Variants in CATSPERT observed in about 807,000 individuals in gnomAD.
CATSPERT encodes cation channel sperm-associated targeting subunit tau.
the CATSPERT span, chr2:201,557,307 G>A: frequency 6.6e-6 from 1 of 152,166 alleles, no homozygotes; most frequent in Admixed American, 6.5e-5. Context: ...TGGATGAGAA[G>A]GGGTGAGAAT....
At chr2:201,581,340 A>C in the CATSPERT span, among the ~76,000 whole-genome samples, 19 of 150,416 alleles carry the variant, frequency 1.3e-4, no homozygotes, top group South Asian at 2.1e-4. Context: ...AGGGAGGCAA[A>C]TGTTGCAGTG....
chr2:201,523,653 C>CT, the CATSPERT span, among the ~76,000 whole-genome samples: 105,468 of 151,964 alleles, frequency 0.69, 37,555 homozygotes, highest in East Asian at 0.96. Context: ...ACTGAAATGC[C>CT]GAAATGACAG....
the CATSPERT span, among the ~76,000 whole-genome samples, chr2:201,615,981 C>G: frequency 1.3e-5 from 2 of 152,196 alleles, no homozygotes; most frequent in East Asian, 3.8e-4. Flanking sequence ...TTCCTGGACA[C>G]ATACACCCTC....
the CATSPERT span, among the ~76,000 whole-genome samples, chr2:201,496,529 G>A: frequency 6.6e-6 from 1 of 152,156 alleles, no homozygotes; most frequent in Admixed American, 6.5e-5. Context: ...TTTTTGTAGA[G>A]ACGGGGTTTT....
the CATSPERT span, among the ~76,000 whole-genome samples, chr2:201,588,656 G>T: frequency 6.7e-6 from 1 of 150,020 alleles, no homozygotes; most frequent in Non-Finnish European, 1.5e-5. Flanking sequence ...AAAAACAATG[G>T]ATGTAAATCC....
the CATSPERT span, among the ~76,000 whole-genome samples, chr2:201,570,607 T>C: frequency 6.6e-6 from 1 of 152,176 alleles, no homozygotes; most frequent in African/African-American, 2.4e-5. Flanking sequence ...CTAAGTAACT[T>C]GCCCAAGGTC....
At chr2:201,612,581 G>GC in the CATSPERT span, among the ~76,000 whole-genome samples, 1 of 111,252 alleles carries the variant, frequency 9.0e-6, no homozygotes, top group Admixed American at 1.0e-4. Flanking sequence ...CTCCATCTTG[G>GC]AAAAAAAAAA....
the CATSPERT span, among the ~76,000 whole-genome samples, chr2:201,576,674 A>T: frequency 6.6e-6 from 1 of 152,210 alleles, no homozygotes; most frequent in Non-Finnish European, 1.5e-5. Flanking sequence ...TGCCCACGGC[A>T]CGCGGAGTGA....
chr2:201,560,631 A>G, the CATSPERT span, among the ~76,000 whole-genome samples: 5 of 152,188 alleles, frequency 3.3e-5, no homozygotes, highest in East Asian at 7.7e-4. Context: ...ACTGTTAAAC[A>G]AACAAATTAT....
the CATSPERT span, chr2:201,547,475 A>G: frequency 1.7e-6 from 2 of 1,178,698 alleles, no homozygotes; most frequent in Admixed American, 2.3e-5. Flanking sequence ...ATTAAAAGCT[A>G]TATATAGGAG....
chr2:201,504,399 C>G, the CATSPERT span, among the ~76,000 whole-genome samples: 4 of 152,188 alleles, frequency 2.6e-5, no homozygotes, highest in African/African-American at 9.7e-5. Flanking sequence ...CTTGGTCACT[C>G]TTGACACAGT....
chr2:201,591,610 C>A, the CATSPERT span, among the ~76,000 whole-genome samples: 1 of 152,096 alleles, frequency 6.6e-6, no homozygotes, highest in African/African-American at 2.4e-5. Flanking sequence ...ATTCTTCCTA[C>A]CCATGAGCAT....
At chr2:201,601,002 A>C in the CATSPERT span, among the ~76,000 whole-genome samples, 3 of 152,136 alleles carry the variant, frequency 2.0e-5, no homozygotes. Context: ...TGCCCACTTC[A>C]GCCTCCCAAA....
At chr2:201,539,284 C>T in the CATSPERT span, among the ~76,000 whole-genome samples, 86 of 152,310 alleles carry the variant, frequency 5.6e-4, no homozygotes, top group Non-Finnish European at 9.7e-4. Flanking sequence ...CTCCCACCAA[C>T]AGTGTATAAG....
the CATSPERT span, among the ~76,000 whole-genome samples, chr2:201,591,534 A>G: frequency 6.6e-6 from 1 of 152,020 alleles, no homozygotes; most frequent in East Asian, 1.9e-4. Flanking sequence ...AGTCATTGGT[A>G]GCTTGATGGG....
the CATSPERT span, among the ~76,000 whole-genome samples, chr2:201,543,004 A>G: frequency 4.0e-4 from 61 of 152,174 alleles, no homozygotes; most frequent in Non-Finnish European, 7.5e-4. Context: ...TAAGTCATTA[A>G]TCCATTGAGA....
chr2:201,551,465 G>A, the CATSPERT span, among the ~76,000 whole-genome samples: 1 of 152,110 alleles, frequency 6.6e-6, no homozygotes, highest in Non-Finnish European at 1.5e-5. Flanking sequence ...TATACATGGT[G>A]CCATTTGCAA....
chr2:201,588,718 T>C, the CATSPERT span, among the ~76,000 whole-genome samples: 1 of 151,718 alleles, frequency 6.6e-6, no homozygotes, highest in African/African-American at 2.4e-5. Flanking sequence ...GGATGCCCTC[T>C]CTCACCACTC....
the CATSPERT span, chr2:201,494,109 TGAA>T: frequency 6.5e-7 from 1 of 1,534,382 alleles, no homozygotes; most frequent in Non-Finnish European, 8.7e-7. Context: ...AAGTAGTCTT[TGAA>T]TTTAAAATGT....
Sources: gnomAD v4.1 joint callset for allele counts (sites outside exome capture counted in the v4.1 genomes callset) on GRCh38, gnomAD v4.1.1 for gene constraint, MANE v1.5 for transcripts, NCBI Gene and HGNC (gene_info 2026-07-23, HGNC 2026-07-21) for gene names.